Variants in EIF2AK4 observed in about 807,000 individuals in gnomAD.
EIF2AK4 encodes eIF-2-alpha kinase GCN2.
A neutral mutation model predicts 211.1 loss-of-function variants in EIF2AK4; 139 were observed. The ratio of observed to expected loss-of-function variants is 0.66; its 90% CI spans 0.57 to 0.76. The LOEUF (loss-of-function observed/expected upper bound fraction) is 0.76, where lower values mean the gene tolerates loss of function less well. EIF2AK4 is among the 30% of genes least tolerant of loss of function. The pLI is 0.00. For missense variants in EIF2AK4, 1,664 were observed against 2,043.8 expected (o/e 0.81, Z 3.58); for synonymous variants, 710 against 751.3 (o/e 0.94, Z 0.90).
intron 13 of EIF2AK4, among the ~76,000 whole-genome samples, chr15:39,984,460 A>G (rs1264777735): frequency 1.3e-5 from 2 of 152,134 alleles, no homozygotes; most frequent in Non-Finnish European, 2.9e-5. Flanking sequence ...CCATTTTCAC[A>G]GTATTGTTTC....
chr15:39,955,776 C>A lies in EIF2AK4; in HGVS notation c.743+8C>A. On this transcript the variant is annotated splice_region_variant and intron_variant, in intron 6 of 38. Transcript: ENST00000263791. ...CTCCTCAGGAAGGTCTAGGTAAGTC[C>A]CTGGGATTTCTGATCTGGGAGAATG... is the stretch of plus-strand genomic sequence containing the variant. 1 of 1,575,066 alleles carries A rather than the reference C, an allele frequency of 6.3e-7. No homozygotes were observed. The highest frequency in any genetic ancestry group is 1.4e-5 in the African/African-American group (1 of 72,866).
At chr15:40,022,927 G>T (rs567285686) in intron 32 of EIF2AK4, among the ~76,000 whole-genome samples, 1 of 152,240 alleles carries the variant, frequency 6.6e-6, no homozygotes, top group Non-Finnish European at 1.5e-5. Context: ...TGGAGACGGG[G>T]TTTCACCATG....
chr15:39,965,603 G>A, intron 7 of EIF2AK4, 83 bp from the exon 8 acceptor site: 1 of 1,482,060 alleles, frequency 6.7e-7, no homozygotes, highest in Non-Finnish European at 9.2e-7. Flanking sequence ...TTGAACTAAA[G>A]AATGTGTATT....
chr15:40,015,133 C>T (rs1023425731), intron 27 of EIF2AK4, among the ~76,000 whole-genome samples: 1 of 152,174 alleles, frequency 6.6e-6, no homozygotes, highest in African/African-American at 2.4e-5. Context: ...CAAACTTTCC[C>T]CCATTTTCCT....
chr15:39,995,913 CGTT>C (rs1239623018), intron 18 of EIF2AK4, among the ~76,000 whole-genome samples: 1 of 152,116 alleles, frequency 6.6e-6, no homozygotes, highest in Non-Finnish European at 1.5e-5. Context: ...GAATACAATG[CGTT>C]ATTATTAATT....
intron 8 of EIF2AK4, among the ~76,000 whole-genome samples, chr15:39,966,601 A>G (rs2034547783): frequency 1.3e-5 from 2 of 152,188 alleles, no homozygotes; most frequent in African/African-American, 4.8e-5. Flanking sequence ...ATAACCAAGC[A>G]TAAGGAGAAC....
intron 36 of EIF2AK4, 76 bp downstream of exon 36, chr15:40,032,313 T>C (rs1178139059): frequency 7.4e-7 from 1 of 1,346,284 alleles, no homozygotes; most frequent in East Asian, 2.3e-5. Flanking sequence ...GGTTCAGAGC[T>C]TTTTTGCTCA....
At chr15:39,948,549 G>A (rs904885487) in intron 3 of EIF2AK4, among the ~76,000 whole-genome samples, 2 of 152,190 alleles carry the variant, frequency 1.3e-5, no homozygotes, top group Non-Finnish European at 2.9e-5. Context: ...GCTTCTCTAA[G>A]TGGAAATAAA....
At chr15:40,026,734 G>A (rs1322004247) in intron 33 of EIF2AK4, among the ~76,000 whole-genome samples, 2 of 152,124 alleles carry the variant, frequency 1.3e-5, no homozygotes, top group East Asian at 1.9e-4. Context: ...TATTTTGTCC[G>A]TGTACTTTGA....
chr15:39,947,915 C>T (rs535252460), intron 3 of EIF2AK4, among the ~76,000 whole-genome samples: 1 of 152,318 alleles, frequency 6.6e-6, no homozygotes, highest in East Asian at 1.9e-4. Flanking sequence ...AAAAGAAAAA[C>T]CCTCCACAGC....
intron 8 of EIF2AK4, among the ~76,000 whole-genome samples, chr15:39,966,706 A>G (rs1341446490): frequency 6.6e-6 from 1 of 152,246 alleles, no homozygotes; most frequent in African/African-American, 2.4e-5. Flanking sequence ...ATTTAAGTAT[A>G]GAAAGAAAAC....
rs1567011020 is a variant in EIF2AK4 at position 40,029,467 on chromosome 15, A to G, written c.4561+3A>G. The G allele has an allele frequency of 3.1e-6, 5 of 1,612,588 alleles. No individual in the cohort carries two copies. The highest frequency in any genetic ancestry group is 3.4e-6 in the Non-Finnish European group (4 of 1,179,478). On this transcript the variant is annotated splice_donor_region_variant and intron_variant, in intron 34 of 38. Transcript: ENST00000263791. The stretch of plus-strand genomic sequence containing the variant: ...GGGGTCATTTTCTAATGCTTCAGGT[A>G]TAATTACTAATTATAATCTGAACAT...
In EIF2AK4 at chr15:39,992,798, C is replaced by G. The variant is rs2034961846; in HGVS notation, c.2716C>G (p.Leu906Val). 2 of 1,614,042 alleles carry G rather than the reference C, an allele frequency of 1.2e-6. No individual in the cohort carries two copies. The highest frequency in any genetic ancestry group is 2.2e-5 in the East Asian group (1 of 44,902). The stretch of plus-strand genomic sequence containing the variant: ...CTTAACTGGGATGGTTGGCACTGCT[C>G]TCTATGTAAGCCCAGAGGTCCAAGG... ...GHLTGMVGTA[L>V]YVSPEVQGST... The change falls in exon 18 of 39, where the codon CTC becomes GTC. Residue 906 changes from leucine (L) to valine (V), a missense_variant. Leu to Val is a conservative substitution (Grantham distance 32). Around this residue, in one of 7 missense-constraint regions of EIF2AK4, gnomAD observed 622 missense variants for 796.8 expected, o/e 0.78. Transcript: ENST00000263791.
intron 15 of EIF2AK4, 95 bp from the exon 16 acceptor site, chr15:39,990,178 C>A (rs984811319): frequency 1.6e-6 from 2 of 1,229,572 alleles, no homozygotes; most frequent in Non-Finnish European, 2.4e-6. Flanking sequence ...AGACCTCATA[C>A]GATTTTCATC....
chr15:39,977,710 C>T (rs749729177), intron 12 of EIF2AK4: 25 of 159,666 alleles, frequency 1.6e-4, no homozygotes, highest in Non-Finnish European at 3.0e-4. Context: ...TGATACAGTG[C>T]CAACTGCAGC....
intron 16 of EIF2AK4, among the ~76,000 whole-genome samples, 172 bp downstream of exon 16, chr15:39,990,549 G>A (rs1336029451): frequency 6.6e-6 from 1 of 152,192 alleles, no homozygotes; most frequent in Admixed American, 6.5e-5. Flanking sequence ...CTTTGCAATT[G>A]TGAGTATATT....
chr15:40,023,678 C>A (rs2035424588), intron 32 of EIF2AK4, among the ~76,000 whole-genome samples: 2 of 152,124 alleles, frequency 1.3e-5, no homozygotes, highest in Non-Finnish European at 2.9e-5. Context: ...GTCTAATCAG[C>A]CTGGCTAGAG....
chr15:40,030,840 T>G (rs1312926408), intron 35 of EIF2AK4, among the ~76,000 whole-genome samples: 1 of 152,246 alleles, frequency 6.6e-6, no homozygotes, highest in Non-Finnish European at 1.5e-5. Context: ...ATATGCCTAC[T>G]GGTGTGCTAA....
chr15:39,960,032 C>T (rs942028509), intron 6 of EIF2AK4, among the ~76,000 whole-genome samples: 10 of 151,852 alleles, frequency 6.6e-5, no homozygotes, highest in Non-Finnish European at 1.0e-4. Flanking sequence ...GGCATGGTGG[C>T]GGGGGCCTAT....
Sources: gnomAD v4.1 joint callset for allele counts (sites outside exome capture counted in the v4.1 genomes callset) on GRCh38, gnomAD v4.1.1 for gene constraint, gnomAD v4.1.1 regional missense constraint, MANE v1.5 for transcripts, NCBI Gene and HGNC (gene_info 2026-07-23, HGNC 2026-07-21) for gene names.